Variants in CATSPERG observed in about 807,000 individuals in gnomAD.
CATSPERG encodes cation channel sperm-associated auxiliary subunit gamma.
Under a neutral mutation model 145.0 loss-of-function variants are expected in CATSPERG, and 115 were observed. The observed-to-expected ratio is 0.79, with a 90% CI of 0.68 to 0.93. The LOEUF is 0.93. CATSPERG is among the 40% of genes least tolerant of loss of function. The pLI, the probability that CATSPERG is intolerant of heterozygous loss-of-function variation, is 0.00. For missense variants in CATSPERG, 1,296 were observed against 1,490.1 expected, an observed-to-expected ratio of 0.87 and a Z score of 2.14; for synonymous variants, 588 against 589.0, an observed-to-expected ratio of 1.00 and a Z score of 0.02.
chr19:38,360,248 C>T (rs933732063), intron 14 of CATSPERG: 3 of 985,204 alleles, frequency 3.0e-6, no homozygotes, highest in Non-Finnish European at 3.6e-6. Context: ...CCCAAACAGA[C>T]CGAAAACATT....
chr19:38,348,568 G>C (rs1970082605), intron 7 of CATSPERG, among the ~76,000 whole-genome samples: 1 of 150,946 alleles, frequency 6.6e-6, no homozygotes, highest in African/African-American at 2.4e-5. Context: ...CCACCCCCCG[G>C]GTTCAAGTGA....
In CATSPERG at chr19:38,344,874, CACACACACATAT is replaced by C. The variant is rs1187520963; in HGVS notation, c.669+508_669+519del. Among the ~76,000 whole-genome samples, 23 of 85,476 alleles carry C rather than the reference CACACACACATAT, an allele frequency of 2.7e-4. 1 individual carries two copies. In the East Asian group the frequency reaches 5.0e-3, roughly 19 times the overall value. 56.1% of individuals were successfully genotyped at this position (85,476 alleles called of 152,430 possible). ...ATGAACAGACACACACACACACACA[CACACACACATAT>C]ATATATATATATATATTTTTTTTTT... On this transcript the variant is annotated intron_variant, in intron 6 of 28. Coordinates refer to ENST00000409235, the MANE Select transcript of CATSPERG (RefSeq NM_021185.5).
chr19:38,370,379 C>A (rs778047857), intron 28 of CATSPERG, 121 bp downstream of exon 28: 6 of 1,387,874 alleles, frequency 4.3e-6, no homozygotes, highest in Non-Finnish European at 5.1e-6. Flanking sequence ...GCTGACTGAA[C>A]GCCTGCCATG....
At chr19:38,355,306 C>T (rs926513065) in intron 9 of CATSPERG, among the ~76,000 whole-genome samples, 1 of 152,104 alleles carries the variant, frequency 6.6e-6, no homozygotes, top group African/African-American at 2.4e-5. Flanking sequence ...GATTGCACCA[C>T]TGCACTCCAG....
At chr19:38,369,829 G>T in intron 26 of CATSPERG, 143 bp from the exon 27 acceptor site, 1 of 773,536 alleles carries the variant, frequency 1.3e-6, no homozygotes, top group East Asian at 2.5e-5. Flanking sequence ...ATGAATGAAT[G>T]AGTGAATGAA....
Position 38,361,866 on chromosome 19 carries a change from G to C in CATSPERG, c.2094+5G>C. 1 of 1,597,254 alleles carries C rather than the reference G, an allele frequency of 6.3e-7. No individual in the cohort carries two copies. The highest frequency in any genetic ancestry group is 1.1e-5 in the South Asian group (1 of 89,038). On this transcript the variant is annotated splice_donor_5th_base_variant and intron_variant, in intron 17 of 28. Transcript: ENST00000409235. ...CTGCACTCCGTGTACGACAAGGTGG[G>C]CGTCCGGCGGCGGGCGGGCAGGCCT... is the stretch of plus-strand genomic sequence containing the variant.
chr19:38,342,216 AAAAT>A (rs202060544), intron 3 of CATSPERG, among the ~76,000 whole-genome samples: 413 of 148,618 alleles, frequency 2.8e-3, no homozygotes, highest in African/African-American at 9.2e-3. Context: ...TCCCATGTAA[AAAAT>A]AAATAAATAA....
At chr19:38,336,233 C>T (rs1394446575) in intron 1 of CATSPERG, 2 of 455,914 alleles carry the variant, frequency 4.4e-6, no homozygotes, top group Admixed American at 2.4e-5. Context: ...GAAGCTGGTG[C>T]CGGCGTGGAA....
intron 4 of CATSPERG, 48 bp downstream of exon 4, chr19:38,343,772 G>C (rs1477996620): frequency 2.0e-6 from 3 of 1,529,836 alleles, no homozygotes; most frequent in Non-Finnish European, 2.6e-6. Flanking sequence ...AGGGGTGTGG[G>C]GTTTGCTGGG....
chr19:38,352,592 GC>G (rs377138163), intron 8 of CATSPERG, 160 bp downstream of exon 8: 9 of 509,440 alleles, frequency 1.8e-5, no homozygotes, highest in Middle Eastern at 5.5e-4. Context: ...GCCTTGCCTT[GC>G]CCTTTTTTTT....
At chr19:38,339,526 G>A (rs183876311) in intron 3 of CATSPERG, among the ~76,000 whole-genome samples, 15 of 152,174 alleles carry the variant, frequency 9.9e-5, no homozygotes, top group East Asian at 3.9e-4. Context: ...GTGCAGTGGC[G>A]CAATCTCGGC....
chr19:38,343,200 G>C (rs1479521668), intron 3 of CATSPERG, among the ~76,000 whole-genome samples: 2 of 152,018 alleles, frequency 1.3e-5, no homozygotes, highest in Non-Finnish European at 2.9e-5. Flanking sequence ...GGAATCCCTG[G>C]AGTGGAAAGC....
chr19:38,338,099 C>A (rs569732721), intron 3 of CATSPERG, among the ~76,000 whole-genome samples: 1 of 152,172 alleles, frequency 6.6e-6, no homozygotes, highest in East Asian at 1.9e-4. Flanking sequence ...TTCCCAGTAA[C>A]CCACCAAGCA....
chr19:38,337,511 G>A lies in CATSPERG; in HGVS notation c.270+7G>A, dbSNP rs1345714834. 3.2e-6 allele frequency: 5 copies of A among 1,552,002 alleles called. No homozygotes were observed. The highest frequency in any genetic ancestry group is 4.4e-6 in the Non-Finnish European group (5 of 1,147,052). On this transcript the variant is annotated splice_region_variant and intron_variant, in intron 2 of 28. Coordinates refer to ENST00000409235, the MANE Select transcript of CATSPERG (RefSeq NM_021185.5). ...ACCCATCGACCCGAGCGAGGTGAGG[G>A]GACCAGGGTCAAGTGAACCAGAGGG...
rs536814392 is a variant in CATSPERG at position 38,360,075 on chromosome 19, T to G, written c.1609-414T>G. The G allele has an allele frequency of 2.7e-5, 27 of 983,958 alleles. No individual in the cohort carries two copies. The African/African-American group carries it at 4.8e-4, about 17-fold the overall frequency. 61.0% of individuals were successfully genotyped at this position (983,958 alleles called of 1,614,324 possible). On this transcript the variant is annotated intron_variant, in intron 14 of 28. Coordinates refer to ENST00000409235, the MANE Select transcript of CATSPERG (RefSeq NM_021185.5). Reference sequence around the variant, plus strand: ...GGGGAGTGAAGGTTCCCTTCAGATGTGTATGGGGGTGGGCATCAGTGCAGA... The same window carrying G: ...GGGGAGTGAAGGTTCCCTTCAGATGGGTATGGGGGTGGGCATCAGTGCAGA...
chr19:38,367,044 G>C, intron 22 of CATSPERG, 112 bp from the exon 23 acceptor site: 3 of 985,128 alleles, frequency 3.0e-6, no homozygotes, highest in East Asian at 2.6e-5. Flanking sequence ...GGGAGAGCCA[G>C]GCAGCTGGTG....
Position 38,361,787 on chromosome 19 carries a change from CACA to C in CATSPERG, c.2023_2025del (p.Asn675del). The C allele has an allele frequency of 3.7e-6, 6 of 1,613,226 alleles. No homozygotes were observed. The highest frequency in any genetic ancestry group is 2.2e-5 in the South Asian group (2 of 90,896). Reference sequence around the variant, plus strand: ...GCGCGTCCTGGAGCGCTCGGGCTTCCACAACGAGAACTCGCTCGCCATCTACCA... The same window carrying C: ...GCGCGTCCTGGAGCGCTCGGGCTTCCACGAGAACTCGCTCGCCATCTACCA... On this transcript the variant is annotated inframe_deletion, in exon 17 of 29. Coordinates refer to ENST00000409235, the MANE Select transcript of CATSPERG (RefSeq NM_021185.5).
Position 38,362,784 on chromosome 19 carries a change from C to A in CATSPERG, c.2427C>A (p.Ala809=). The A allele has an allele frequency of 6.2e-7, 1 of 1,614,064 alleles. No individual in the cohort carries two copies. The highest frequency in any genetic ancestry group is 8.5e-7 in the Non-Finnish European group (1 of 1,180,012). ...TGGCCGACCCCGGCTGCATCGAGGC[C>A]TCGGTGAAGCAGGAGGTCCTGATTA... ...VVLADPGCIE[A]SVKQEVLINR... The change falls in exon 20 of 29, where the codon GCC becomes GCA. Residue 809 remains alanine (A), a synonymous_variant. Coordinates refer to ENST00000409235, the MANE Select transcript of CATSPERG (RefSeq NM_021185.5).
intron 5 of CATSPERG, 84 bp downstream of exon 5, chr19:38,344,203 C>T (rs1178602978): frequency 1.3e-6 from 2 of 1,541,982 alleles, no homozygotes; most frequent in Middle Eastern, 1.7e-4. Context: ...GTGGGAGATC[C>T]AAGGGAGAGA....
Sources: gnomAD v4.1 joint callset for allele counts (sites outside exome capture counted in the v4.1 genomes callset) on GRCh38, gnomAD v4.1.1 for gene constraint, MANE v1.5 for transcripts, NCBI Gene and HGNC (gene_info 2026-07-23, HGNC 2026-07-21) for gene names.